The following DACH1 variants were observed in gnomAD, a reference collection of about 807,000 sequenced individuals.
DACH1 encodes the protein dachshund family transcription factor 1.
DACH1 carries 12 observed loss-of-function variants against 54.2 expected under a neutral mutation model. The observed-to-expected ratio is 0.22, with a 90% CI of 0.14 to 0.36. The LOEUF (loss-of-function observed/expected upper bound fraction) is 0.36, where lower values mean the gene tolerates loss of function less well. DACH1 is among the 10% of genes least tolerant of loss of function. The pLI is 1.00. For synonymous variants in DACH1, 386 were observed against 366.2 expected, an observed-to-expected ratio of 1.05 and a Z score of -0.62; for missense variants, 805 against 929.8, an observed-to-expected ratio of 0.87 and a Z score of 1.75.
At chr13:71,592,399 G>A (rs1566364508) in intron 3 of DACH1, among the ~76,000 whole-genome samples, 1 of 150,428 alleles carries the variant, frequency 6.6e-6, no homozygotes, top group African/African-American at 2.4e-5. Flanking sequence ...AGGTATTGAG[G>A]TGGGAGGATC....
chr13:71,478,697 C>T (rs1342358487), intron 8 of DACH1, among the ~76,000 whole-genome samples: 1 of 152,154 alleles, frequency 6.6e-6, no homozygotes, highest in Admixed American at 6.5e-5. Context: ...ATTATACAAA[C>T]ATTTAACTTT....
Position 71,865,885 on chromosome 13 carries a change from G to C in DACH1, c.848+37C>G, listed in dbSNP as rs374527527. On this transcript the variant is annotated intron_variant, in intron 1 of 10. Transcript: ENST00000613252. ...GGGCAGGCGAGCAGGCTGGTGGGAA[G>C]GGGCGCGGGCGGCGGGGGCTATCCC... 5.8e-6 allele frequency: 9 copies of C among 1,544,680 alleles called. No homozygotes were observed. The African/African-American group carries it at 1.3e-4, about 21-fold the overall frequency.
chr13:71,670,344 G>A (rs1397717123), intron 2 of DACH1, among the ~76,000 whole-genome samples: 2 of 152,076 alleles, frequency 1.3e-5, no homozygotes, highest in Non-Finnish European at 2.9e-5. Flanking sequence ...TCAGCATACA[G>A]CCATAATCAA....
At chr13:71,733,266 A>G (rs1883832744) in intron 1 of DACH1, among the ~76,000 whole-genome samples, 1 of 152,158 alleles carries the variant, frequency 6.6e-6, no homozygotes, top group African/African-American at 2.4e-5. Context: ...GGCTCAGGCT[A>G]TCCTCCCACC....
intron 6 of DACH1, among the ~76,000 whole-genome samples, chr13:71,501,023 T>C (rs1879870195): frequency 6.6e-6 from 1 of 152,188 alleles, no homozygotes; most frequent in African/African-American, 2.4e-5. Flanking sequence ...ACTGAAATTG[T>C]CAATCAAAGA....
intron 4 of DACH1, among the ~76,000 whole-genome samples, chr13:71,560,346 A>G (rs1319820426): frequency 1.3e-5 from 2 of 152,200 alleles, no homozygotes; most frequent in Non-Finnish European, 2.9e-5. Flanking sequence ...TTCTGCAAGT[A>G]TCTAAAGATC....
intron 1 of DACH1, among the ~76,000 whole-genome samples, chr13:71,727,413 C>A (rs1883520909): frequency 6.6e-6 from 1 of 152,168 alleles, no homozygotes; most frequent in Non-Finnish European, 1.5e-5. Flanking sequence ...ACACCAACAG[C>A]CCTGGTGCAC....
At chr13:71,560,105 G>A in intron 4 of DACH1, 150 bp from the exon 5 acceptor site, 2 of 940,230 alleles carry the variant, frequency 2.1e-6, no homozygotes, top group Non-Finnish European at 2.9e-6. Flanking sequence ...TAAAAGATAT[G>A]TTTATCTTGA....
chr13:71,455,021 C>G (rs899388337), intron 10 of DACH1, among the ~76,000 whole-genome samples: 1 of 152,142 alleles, frequency 6.6e-6, no homozygotes, highest in South Asian at 2.1e-4. Context: ...GAGAAGATTG[C>G]TAACATAATT....
chr13:71,526,932 T>C (rs920798049), intron 6 of DACH1, among the ~76,000 whole-genome samples: 3 of 151,734 alleles, frequency 2.0e-5, no homozygotes, highest in Admixed American at 2.0e-4. Context: ...CAGTTCTTCG[T>C]TGGAAAGCTT....
intron 2 of DACH1, among the ~76,000 whole-genome samples, chr13:71,666,886 G>A (rs2138666827): frequency 6.6e-6 from 1 of 152,214 alleles, no homozygotes; most frequent in East Asian, 1.9e-4. Flanking sequence ...GGAGGCAGGA[G>A]AATTGCTTGA....
At chr13:71,549,810 C>G (rs1883692259) in intron 6 of DACH1, among the ~76,000 whole-genome samples, 2 of 152,190 alleles carry the variant, frequency 1.3e-5, no homozygotes, top group Non-Finnish European at 1.5e-5. Context: ...ATTTCTAACC[C>G]ACTCTCTTGT....
intron 1 of DACH1, among the ~76,000 whole-genome samples, chr13:71,855,544 C>T (rs1566545090): frequency 6.6e-6 from 1 of 151,998 alleles, no homozygotes; most frequent in African/African-American, 2.4e-5. Flanking sequence ...CTACTACACA[C>T]CTAAATTCTT....
chr13:71,472,272 A>C (rs1362821212), intron 10 of DACH1, among the ~76,000 whole-genome samples: 3 of 152,184 alleles, frequency 2.0e-5, no homozygotes, highest in African/African-American at 7.2e-5. Flanking sequence ...AATGCAAGTA[A>C]ATTATTTAGG....
At chr13:71,490,619 C>CTTG (rs926890603) in intron 6 of DACH1, among the ~76,000 whole-genome samples, 1 of 152,160 alleles carries the variant, frequency 6.6e-6, no homozygotes, top group African/African-American at 2.4e-5. Context: ...TTTAATCACA[C>CTTG]TTGTCACCAG....
chr13:71,647,736 G>T (rs996341152), intron 2 of DACH1, among the ~76,000 whole-genome samples: 1 of 152,114 alleles, frequency 6.6e-6, no homozygotes, highest in Non-Finnish European at 1.5e-5. Flanking sequence ...GAAAAGAAGG[G>T]GTGATGGGTT....
chr13:71,781,792 C>A (rs990735265), intron 1 of DACH1, among the ~76,000 whole-genome samples: 2 of 152,118 alleles, frequency 1.3e-5, no homozygotes, highest in Non-Finnish European at 2.9e-5. Flanking sequence ...CTGGACTGAA[C>A]AAAATGATGT....
At chr13:71,447,026 G>A (rs1031755466) in intron 10 of DACH1, among the ~76,000 whole-genome samples, 11 of 152,142 alleles carry the variant, frequency 7.2e-5, no homozygotes, top group African/African-American at 2.7e-4. Flanking sequence ...ATTCCTAATA[G>A]TTTCAAAGTT....
At chr13:71,813,647 A>G (rs978815096) in intron 1 of DACH1, among the ~76,000 whole-genome samples, 1 of 152,192 alleles carries the variant, frequency 6.6e-6, no homozygotes, top group African/African-American at 2.4e-5. Context: ...TCATTTGACT[A>G]GTTCTCATGC....
Sources: allele counts gnomAD v4.1 joint callset (sites outside exome capture counted in the v4.1 genomes callset), GRCh38; gene constraint gnomAD v4.1.1; transcripts MANE v1.5; gene names NCBI Gene and HGNC (gene_info 2026-07-23, HGNC 2026-07-21).